MYO3B: variants seen among roughly 807,000 people sequenced by gnomAD.
MYO3B encodes myosin IIIB, also known as myosin-IIIb.
MYO3B carries 156 observed loss-of-function variants against 174.6 expected under a neutral mutation model. The ratio of observed to expected loss-of-function variants is 0.89; its 90% CI spans 0.78 to 1.02. MYO3B has a LOEUF of 1.02. Ranked by LOEUF, MYO3B falls within the 50% of genes least tolerant of loss-of-function variation. MYO3B has a pLI of 0.00. For synonymous variants in MYO3B, 563 were observed against 569.1 expected, an observed-to-expected ratio of 0.99 and a Z score of 0.15; for missense variants, 1,632 against 1,639.4, an observed-to-expected ratio of 1.00 and a Z score of 0.08.
intron 28 of MYO3B, among the ~76,000 whole-genome samples, chr2:170,512,459 G>A (rs375103768): frequency 6.6e-6 from 1 of 152,144 alleles, no homozygotes; most frequent in Non-Finnish European, 1.5e-5. Context: ...TGCCTCATCC[G>A]TATGAGCCTT....
At chr2:170,379,679 C>T (rs1337234657) in intron 9 of MYO3B, among the ~76,000 whole-genome samples, 1 of 152,142 alleles carries the variant, frequency 6.6e-6, no homozygotes, top group Non-Finnish European at 1.5e-5. Flanking sequence ...TTTGCCATCA[C>T]CAATATGTAA....
intron 32 of MYO3B, among the ~76,000 whole-genome samples, chr2:170,548,615 G>C (rs1253333689): frequency 6.6e-6 from 1 of 152,178 alleles, no homozygotes; most frequent in Non-Finnish European, 1.5e-5. Context: ...ATCAAGAAAT[G>C]AGATAGTCTG....
intron 32 of MYO3B, among the ~76,000 whole-genome samples, chr2:170,581,894 T>A (rs1693173507): frequency 6.6e-6 from 1 of 152,166 alleles, no homozygotes; most frequent in Non-Finnish European, 1.5e-5. Flanking sequence ...TTACCAAAGC[T>A]ATAAAAAATG....
intron 23 of MYO3B, among the ~76,000 whole-genome samples, chr2:170,453,492 A>T (rs1354802380): frequency 6.6e-6 from 1 of 151,500 alleles, no homozygotes; most frequent in Non-Finnish European, 1.5e-5. Flanking sequence ...CCAACTGACC[A>T]GAAACCTGGC....
intron 32 of MYO3B, among the ~76,000 whole-genome samples, chr2:170,564,900 A>G (rs143314658): frequency 2.6e-5 from 4 of 152,138 alleles, no homozygotes; most frequent in African/African-American, 9.7e-5. Flanking sequence ...CTAATTCCAT[A>G]AGGTCTCTCT....
At chr2:170,316,822 G>T (rs1224274652) in intron 7 of MYO3B, among the ~76,000 whole-genome samples, 1 of 152,206 alleles carries the variant, frequency 6.6e-6, no homozygotes, top group East Asian at 1.9e-4. Flanking sequence ...GTGAGGTGCT[G>T]TGAGCATGCC....
At chr2:170,565,786 C>T (rs1692035408) in intron 32 of MYO3B, among the ~76,000 whole-genome samples, 1 of 152,126 alleles carries the variant, frequency 6.6e-6, no homozygotes, top group Non-Finnish European at 1.5e-5. Flanking sequence ...GCAAGGTAGA[C>T]CAAGTGAGGT....
intron 1 of MYO3B, among the ~76,000 whole-genome samples, chr2:170,179,288 G>A (rs1041164169): frequency 1.3e-5 from 2 of 152,176 alleles, no homozygotes; most frequent in African/African-American, 4.8e-5. Flanking sequence ...AATTAGGAAA[G>A]GCCTCCTAGA....
intron 7 of MYO3B, among the ~76,000 whole-genome samples, chr2:170,260,173 A>G (rs1019101974): frequency 5.3e-5 from 8 of 152,242 alleles, no homozygotes; most frequent in African/African-American, 1.9e-4. Context: ...TCAAAGAACT[A>G]AAAGAAGAAC....
At position 170,211,265 on chromosome 2, in the gene MYO3B, T is replaced by G. The variant is rs141494668; in HGVS notation, c.322-3114T>G. On this transcript the variant is annotated intron_variant, in intron 3 of 34. Transcript: ENST00000408978. ...AATTTAGTCAACTGAGGAAAAGCCTTTTTCCAGCAAAGCAAGATACCCAAA... is the reference window on the plus strand; with the variant it reads ...AATTTAGTCAACTGAGGAAAAGCCTGTTTCCAGCAAAGCAAGATACCCAAA... Among the ~76,000 whole-genome samples the G allele has an allele frequency of 8.0e-3, 1,211 of 152,284 alleles. 13 individuals are homozygous for G. Among genetic ancestry groups the G allele is most frequent in the African/African-American group, 0.027 (1,129 of 41,562 alleles).
At chr2:170,396,235 G>T (rs908779) in intron 16 of MYO3B, among the ~76,000 whole-genome samples, 58,856 of 152,064 alleles carry the variant, frequency 0.39, 12,313 homozygotes, top group East Asian at 0.57. Flanking sequence ...TGTAGCTGGA[G>T]ATGAAGCAAG....
intron 1 of MYO3B, among the ~76,000 whole-genome samples, chr2:170,191,531 C>T (rs941789080): frequency 1.2e-4 from 18 of 152,050 alleles, no homozygotes; most frequent in African/African-American, 2.7e-4. Context: ...AATTTCCCCC[C>T]GGCTAGGTTG....
At chr2:170,395,364 A>G (rs2094437214) in intron 16 of MYO3B, among the ~76,000 whole-genome samples, 1 of 152,196 alleles carries the variant, frequency 6.6e-6, no homozygotes, top group Admixed American at 6.5e-5. Flanking sequence ...ATATGTTTCT[A>G]TTTAATGCTA....
At chr2:170,355,685 C>T (rs2094114917) in intron 8 of MYO3B, among the ~76,000 whole-genome samples, 1 of 152,310 alleles carries the variant, frequency 6.6e-6, no homozygotes, top group Admixed American at 6.5e-5. Flanking sequence ...ATGGGCTCAA[C>T]ATTTTCAGCA....
intron 7 of MYO3B, among the ~76,000 whole-genome samples, chr2:170,297,573 G>T (rs1574739043): frequency 6.6e-6 from 1 of 152,206 alleles, no homozygotes; most frequent in East Asian, 1.9e-4. Flanking sequence ...AAAGAAGAAA[G>T]ATGAGCCATT....
At chr2:170,434,122 C>T (rs1558997027) in intron 22 of MYO3B, among the ~76,000 whole-genome samples, 3 of 152,086 alleles carry the variant, frequency 2.0e-5, no homozygotes. Flanking sequence ...TAAAATAAAT[C>T]CTTCTTATAA....
At chr2:170,647,001 C>A in intron 32 of MYO3B, 1 of 1,024,620 alleles carries the variant, frequency 9.8e-7, no homozygotes, top group Non-Finnish European at 1.4e-6. Context: ...AGTTTTGTTA[C>A]TGTCCATCAT....
intron 32 of MYO3B, among the ~76,000 whole-genome samples, chr2:170,650,338 T>C (rs1698907043): frequency 6.6e-6 from 1 of 152,148 alleles, no homozygotes; most frequent in South Asian, 2.1e-4. Context: ...AATATTTTGG[T>C]ATTAATAATG....
At chr2:170,649,473 TC>T (rs1413805051) in intron 32 of MYO3B, among the ~76,000 whole-genome samples, 1 of 137,870 alleles carries the variant, frequency 7.3e-6, no homozygotes, top group African/African-American at 2.7e-5. Context: ...CATATTTTTT[TC>T]ATCGAACTTA....
Sources: gnomAD v4.1 joint callset for allele counts (sites outside exome capture counted in the v4.1 genomes callset) on GRCh38, gnomAD v4.1.1 for gene constraint, MANE v1.5 for transcripts, NCBI Gene and HGNC (gene_info 2026-07-23, HGNC 2026-07-21) for gene names.